Variants in PRKCE observed in about 807,000 individuals in gnomAD.
PRKCE encodes protein kinase C epsilon.
PRKCE carries 16 observed loss-of-function variants against 85.4 expected under a neutral mutation model. That is an observed-to-expected ratio of 0.19 (90% CI 0.13 to 0.28). The LOEUF (loss-of-function observed/expected upper bound fraction) is 0.28, where lower values mean the gene tolerates loss of function less well. PRKCE is among the 10% of genes least tolerant of loss of function. PRKCE has a pLI of 1.00. For missense variants in PRKCE, 573 were observed against 975.2 expected, an observed-to-expected ratio of 0.59 and a Z score of 5.49; for synonymous variants, 388 against 371.5, an observed-to-expected ratio of 1.04 and a Z score of -0.51.
At chr2:45,865,515 C>T (rs902244425) in intron 2 of PRKCE, among the ~76,000 whole-genome samples, 13 of 152,120 alleles carry the variant, frequency 8.5e-5, no homozygotes, top group African/African-American at 1.9e-4. Flanking sequence ...TTGAATATGT[C>T]CCCTCCAAAA....
chr2:45,945,743 C>T (rs1408264342), intron 2 of PRKCE, among the ~76,000 whole-genome samples: 3 of 152,240 alleles, frequency 2.0e-5, no homozygotes, highest in East Asian at 1.9e-4. Flanking sequence ...AACTGTGCTC[C>T]ACTGGTGGGG....
At chr2:45,744,318 G>A (rs1442283906) in intron 1 of PRKCE, among the ~76,000 whole-genome samples, 1 of 152,136 alleles carries the variant, frequency 6.6e-6, no homozygotes, top group Non-Finnish European at 1.5e-5. Context: ...ATTTCCTAGA[G>A]AAGGCAATGT....
At chr2:46,039,737 G>A (rs1708110417) in intron 10 of PRKCE, among the ~76,000 whole-genome samples, 1 of 152,198 alleles carries the variant, frequency 6.6e-6, no homozygotes, top group African/African-American at 2.4e-5. Context: ...AGTTCAGGAT[G>A]ACGATATTGA....
intron 2 of PRKCE, among the ~76,000 whole-genome samples, chr2:45,862,792 A>G (rs1258496967): frequency 6.6e-6 from 1 of 152,186 alleles, no homozygotes; most frequent in East Asian, 1.9e-4. Flanking sequence ...TGGTGTGTGT[A>G]CATACATGCA....
At chr2:45,915,306 T>G (rs1292471615) in intron 2 of PRKCE, among the ~76,000 whole-genome samples, 1 of 152,264 alleles carries the variant, frequency 6.6e-6, no homozygotes, top group Non-Finnish European at 1.5e-5. Flanking sequence ...TCTATTTTTT[T>G]GTTTCATTTT....
chr2:45,927,213 G>C (rs778091870), intron 2 of PRKCE, among the ~76,000 whole-genome samples: 1 of 152,154 alleles, frequency 6.6e-6, no homozygotes, highest in Admixed American at 6.5e-5. Flanking sequence ...CATGGGGGGG[G>C]TGTTGTCAGA....
intron 1 of PRKCE, among the ~76,000 whole-genome samples, chr2:45,819,219 C>T (rs1438816570): frequency 6.6e-6 from 1 of 152,180 alleles, no homozygotes; most frequent in Non-Finnish European, 1.5e-5. Flanking sequence ...GAGGGAGGTA[C>T]TTTGTCCCCA....
intron 13 of PRKCE, among the ~76,000 whole-genome samples, chr2:46,152,444 A>G (rs1269194281): frequency 6.6e-6 from 1 of 151,830 alleles, no homozygotes; most frequent in Non-Finnish European, 1.5e-5. Flanking sequence ...AGCCTCCCAA[A>G]GTGCTGGGAT....
At chr2:46,030,280 T>G (rs1435745008) in intron 10 of PRKCE, among the ~76,000 whole-genome samples, 1 of 152,206 alleles carries the variant, frequency 6.6e-6, no homozygotes, top group African/African-American at 2.4e-5. Flanking sequence ...AACAAGCTTA[T>G]TTTCTCATCC....
In PRKCE at chr2:46,184,892, C is replaced by A; in HGVS notation, c.*11C>A. ...GACCTGATGCCCTGAGAGCCCACTG[C>A]AGTTGGACTTTGCCGATGCTGCAAG... On this transcript the variant is annotated 3_prime_UTR_variant, in exon 15 of 15. Coordinates refer to ENST00000306156, the MANE Select transcript of PRKCE (RefSeq NM_005400.3). This position sits in a 1 kb window ranked among gnomAD's most constrained non-coding sequence, Gnocchi z 5.0. The A allele has an allele frequency of 1.9e-6, 3 of 1,599,532 alleles. No homozygotes were observed. Among genetic ancestry groups the A allele is most frequent in the Non-Finnish European group, 2.5e-6 (3 of 1,179,836 alleles).
chr2:45,672,404 A>G (rs997297573), intron 1 of PRKCE, among the ~76,000 whole-genome samples: 22 of 152,110 alleles, frequency 1.4e-4, no homozygotes, highest in African/African-American at 5.1e-4. Flanking sequence ...CCATCTATGT[A>G]TCCATCCATC....
chr2:46,113,220 G>A (rs1672438582), intron 11 of PRKCE, among the ~76,000 whole-genome samples: 1 of 152,162 alleles, frequency 6.6e-6, no homozygotes, highest in Non-Finnish European at 1.5e-5. Context: ...CTGCTTTTTT[G>A]TGGTCAGTTA....
chr2:45,700,863 C>T (rs1285040180), intron 1 of PRKCE, among the ~76,000 whole-genome samples: 2 of 152,104 alleles, frequency 1.3e-5, no homozygotes, highest in Non-Finnish European at 2.9e-5. Context: ...AGGGCGGCCC[C>T]GTGAGGACAG....
intron 2 of PRKCE, among the ~76,000 whole-genome samples, chr2:45,946,227 A>T (rs1700233541): frequency 2.0e-5 from 3 of 152,220 alleles, no homozygotes; most frequent in Admixed American, 6.5e-5. Context: ...ACTCTTGATA[A>T]GATTGTGGTG....
chr2:45,884,038 C>A (rs547794429), intron 2 of PRKCE, among the ~76,000 whole-genome samples: 1 of 152,260 alleles, frequency 6.6e-6, no homozygotes, highest in South Asian at 2.1e-4. Context: ...GAGTGAGTGG[C>A]GTTGTGGACT....
chr2:45,963,746 T>A (rs888972254), intron 2 of PRKCE, among the ~76,000 whole-genome samples: 1 of 152,226 alleles, frequency 6.6e-6, no homozygotes, highest in Non-Finnish European at 1.5e-5. Context: ...ACCCACCTGG[T>A]CAGCATTCTG....
intron 2 of PRKCE, among the ~76,000 whole-genome samples, chr2:45,972,668 T>C (rs1408289029): frequency 3.9e-5 from 6 of 152,272 alleles, no homozygotes; most frequent in African/African-American, 7.2e-5. Flanking sequence ...TCCAGTTTCA[T>C]TCTTTTGCAT....
At chr2:45,937,452 C>A (rs1699545322) in intron 2 of PRKCE, among the ~76,000 whole-genome samples, 1 of 152,232 alleles carries the variant, frequency 6.6e-6, no homozygotes, top group African/African-American at 2.4e-5. Context: ...GTGGCTCACG[C>A]CTGTAATCCC....
At chr2:45,866,825 C>T (rs1238745492) in intron 2 of PRKCE, among the ~76,000 whole-genome samples, 1 of 152,252 alleles carries the variant, frequency 6.6e-6, no homozygotes, top group East Asian at 1.9e-4. Flanking sequence ...AGCACATTTA[C>T]ATCATTGTGG....
Sources: gnomAD v4.1 joint callset for allele counts (sites outside exome capture counted in the v4.1 genomes callset) on GRCh38, gnomAD v4.1.1 for gene constraint, Gnocchi (gnomAD v3.1) non-coding constraint, MANE v1.5 for transcripts, NCBI Gene and HGNC (gene_info 2026-07-23, HGNC 2026-07-21) for gene names.